Variants in SORCS3 observed in about 807,000 individuals in gnomAD.
The protein encoded by SORCS3 is VPS10 domain-containing receptor SorCS3.
Under a neutral mutation model 146.3 loss-of-function variants are expected in SORCS3, and 57 were observed. The observed-to-expected ratio is 0.39, with a 90% confidence interval of 0.31 to 0.49. The LOEUF is 0.49. Among genes scored for constraint, SORCS3 ranks in the 20% least tolerant of loss-of-function variants. SORCS3 has a pLI of 0.92. For synonymous variants in SORCS3, 653 were observed against 618.5 expected (o/e 1.06, Z -0.83); for missense variants, 1,341 against 1,575.5 (o/e 0.85, Z 2.52).
chr10:104,974,319 T>C (rs990442670), intron 3 of SORCS3, among the ~76,000 whole-genome samples: 2 of 152,184 alleles, frequency 1.3e-5, no homozygotes, highest in African/African-American at 4.8e-5. Context: ...ATTATTATTG[T>C]GTGGGAGTCT....
In SORCS3 at chr10:105,201,251, G is replaced by T. The variant is rs1223927394; in HGVS notation, c.2259G>T (p.Glu753Asp). Residue 753 changes from glutamate to aspartate, a missense_variant and splice_region_variant, in exon 16 of 27, where the codon GAG becomes GAT. Glu to Asp is a conservative substitution (Grantham distance 45). Transcript: ENST00000369701. ...GTGTCTGTGCCAATTGGGACTTCGA[G>T]TGGTGAGTTGTTTGGCATTTCATTA... is the stretch of plus-strand genomic sequence containing the variant. ...EPCVCANWDF[E>D]CDYGYERHGE... The T allele has an allele frequency of 6.2e-7, 1 of 1,604,912 alleles. No homozygotes were observed. Among genetic ancestry groups the T allele is most frequent in the African/African-American group, 1.3e-5 (1 of 74,504 alleles).
At chr10:104,891,902 C>T (rs953180373) in intron 2 of SORCS3, among the ~76,000 whole-genome samples, 1 of 152,124 alleles carries the variant, frequency 6.6e-6, no homozygotes, top group African/African-American at 2.4e-5. Context: ...AATGAATTGG[C>T]TCCTGGATCT....
At chr10:104,815,011 G>T (rs2017781022) in intron 1 of SORCS3, among the ~76,000 whole-genome samples, 1 of 152,158 alleles carries the variant, frequency 6.6e-6, no homozygotes, top group Admixed American at 6.5e-5. Flanking sequence ...GAGGAAGAGG[G>T]AAGACACAAT....
At chr10:104,660,102 A>G (rs1251846511) in intron 1 of SORCS3, among the ~76,000 whole-genome samples, 2 of 152,076 alleles carry the variant, frequency 1.3e-5, no homozygotes, top group Non-Finnish European at 2.9e-5. Flanking sequence ...CCTTTAAAGG[A>G]GCTGAGGATG....
intron 3 of SORCS3, among the ~76,000 whole-genome samples, chr10:104,930,471 A>T (rs554761437): frequency 9.9e-5 from 15 of 152,244 alleles, no homozygotes; most frequent in Non-Finnish European, 1.8e-4. Flanking sequence ...GTTTCCTTCT[A>T]GTCCAGCAAT....
chr10:105,081,077 T>C (rs1224002779), intron 5 of SORCS3, among the ~76,000 whole-genome samples: 1 of 152,240 alleles, frequency 6.6e-6, no homozygotes, highest in Non-Finnish European at 1.5e-5. Flanking sequence ...AACTTCACAT[T>C]GTACCCCGTA....
intron 14 of SORCS3, among the ~76,000 whole-genome samples, chr10:105,196,402 G>C (rs1308957768): frequency 3.3e-5 from 5 of 152,184 alleles, no homozygotes; most frequent in Non-Finnish European, 1.5e-5. Context: ...TCAGGAGTTC[G>C]AGACTAGCCT....
chr10:104,792,013 T>C (rs1332235038), intron 1 of SORCS3, among the ~76,000 whole-genome samples: 1 of 152,138 alleles, frequency 6.6e-6, no homozygotes, highest in Non-Finnish European at 1.5e-5. Context: ...CTCTTTTTTT[T>C]CCCCTAACAA....
chr10:104,750,837 T>C (rs190035981), intron 1 of SORCS3, among the ~76,000 whole-genome samples: 50 of 152,284 alleles, frequency 3.3e-4, no homozygotes, highest in African/African-American at 8.9e-4. Context: ...TCACTATGAG[T>C]CAATTCTGTG....
intron 1 of SORCS3, among the ~76,000 whole-genome samples, chr10:104,805,591 G>A (rs1376763749): frequency 6.6e-6 from 1 of 152,146 alleles, no homozygotes; most frequent in Non-Finnish European, 1.5e-5. Flanking sequence ...CAGTTTCCAA[G>A]TGGTGTGTGA....
intron 1 of SORCS3, among the ~76,000 whole-genome samples, chr10:104,661,206 G>A (rs796648642): frequency 7.2e-5 from 11 of 151,968 alleles, no homozygotes; most frequent in Admixed American, 3.3e-4. Context: ...CTCCTGTTCC[G>A]TCTCTAACCA....
intron 12 of SORCS3, among the ~76,000 whole-genome samples, chr10:105,165,780 T>C (rs727341): frequency 0.2 from 30,706 of 152,174 alleles, 3,345 homozygotes; most frequent in Admixed American, 0.26. Context: ...AGTAGCTCAC[T>C]TGACCAACGT....
intron 19 of SORCS3, among the ~76,000 whole-genome samples, chr10:105,219,041 T>G (rs928448995): frequency 3.3e-5 from 5 of 152,096 alleles, no homozygotes; most frequent in Admixed American, 1.3e-4. Flanking sequence ...ATATCTTATC[T>G]TCAATGCTTA....
chr10:105,097,660 A>AT (rs1456222539), intron 6 of SORCS3, among the ~76,000 whole-genome samples: 4 of 152,160 alleles, frequency 2.6e-5, no homozygotes, highest in Non-Finnish European at 5.9e-5. Context: ...TTTATAATTT[A>AT]TTTTTTTCAT....
At chr10:104,971,239 A>G (rs2054858830) in intron 3 of SORCS3, among the ~76,000 whole-genome samples, 2 of 152,226 alleles carry the variant, frequency 1.3e-5, no homozygotes, top group African/African-American at 4.8e-5. Flanking sequence ...CCACGGTGTG[A>G]AACATGGATT....
chr10:104,995,871 G>C (rs1308039650), intron 4 of SORCS3, among the ~76,000 whole-genome samples: 2 of 152,226 alleles, frequency 1.3e-5, no homozygotes, highest in African/African-American at 4.8e-5. Flanking sequence ...TTTACTAGCT[G>C]CTATTATAGT....
intron 16 of SORCS3, among the ~76,000 whole-genome samples, chr10:105,202,281 C>T (rs1029837446): frequency 1.3e-5 from 2 of 152,154 alleles, no homozygotes; most frequent in Non-Finnish European, 2.9e-5. Context: ...TGATTTAGCC[C>T]TGCAATTACC....
chr10:105,157,795 T>C (rs1488266128), intron 10 of SORCS3, among the ~76,000 whole-genome samples: 1 of 152,166 alleles, frequency 6.6e-6, no homozygotes, highest in Non-Finnish European at 1.5e-5. Flanking sequence ...TGTGAGATGG[T>C]ATCTCTGGCT....
At chr10:105,238,728 A>C (rs2056807050) in intron 20 of SORCS3, among the ~76,000 whole-genome samples, 1 of 152,244 alleles carries the variant, frequency 6.6e-6, no homozygotes, top group African/African-American at 2.4e-5. Context: ...TACTTTAGAC[A>C]GATACTGTCA....
Sources: allele counts gnomAD v4.1 joint callset (sites outside exome capture counted in the v4.1 genomes callset), GRCh38; gene constraint gnomAD v4.1.1; transcripts MANE v1.5; gene names NCBI Gene and HGNC (gene_info 2026-07-23, HGNC 2026-07-21).